Variants in EIPR1 observed in about 807,000 individuals in gnomAD.
EIPR1 encodes EARP complex and GARP complex interacting protein 1, also known as EARP and GARP complex-interacting protein 1.
Under a neutral mutation model 48.1 loss-of-function variants are expected in EIPR1, and 25 were observed. The observed-to-expected ratio is 0.52, with a 90% confidence interval of 0.38 to 0.73. EIPR1 has a LOEUF of 0.73. EIPR1 is among the 30% of genes least tolerant of loss of function. The probability of loss-of-function intolerance (pLI) is 0.00; values close to 1 mark genes in which losing one functional copy is unlikely to be tolerated. For missense variants in EIPR1, 415 were observed against 506.2 expected, an observed-to-expected ratio of 0.82 and a Z score of 1.73; for synonymous variants, 204 against 201.9, an observed-to-expected ratio of 1.01 and a Z score of -0.09.
intron 2 of EIPR1, among the ~76,000 whole-genome samples, chr2:3,350,968 T>G (rs1670556808): frequency 6.8e-6 from 1 of 146,404 alleles, no homozygotes; most frequent in East Asian, 2.0e-4. Flanking sequence ...AAAAACAAAT[T>G]AAGGTAGATT....
At chr2:3,281,616 T>C (rs1047411568) in intron 3 of EIPR1, among the ~76,000 whole-genome samples, 4 of 152,188 alleles carry the variant, frequency 2.6e-5, no homozygotes, top group Non-Finnish European at 5.9e-5. Context: ...CAGGAACGCG[T>C]GCCTGGAAGG....
chr2:3,192,452 ATCG>A lies in EIPR1; in HGVS notation c.948_950del (p.Asp318del), dbSNP rs1456949013. The A allele has an allele frequency of 6.2e-7, 1 of 1,612,822 alleles. No homozygotes were observed. The highest frequency in any genetic ancestry group is 8.5e-7 in the Non-Finnish European group (1 of 1,179,640). On this transcript the variant is annotated inframe_deletion, in exon 8 of 9. Coordinates refer to ENST00000382125, the MANE Select transcript of EIPR1 (RefSeq NM_003310.5). ...GGTGGTCCTCCTGGTCACTGATGTCATCGTCGTCTACCAAGTGGCCGAAGGGCT... is the reference window on the plus strand; with the variant it reads ...GGTGGTCCTCCTGGTCACTGATGTCATCGTCTACCAAGTGGCCGAAGGGCT...
chr2:3,203,420 G>A (rs1388501913), intron 5 of EIPR1, among the ~76,000 whole-genome samples: 3 of 152,222 alleles, frequency 2.0e-5, no homozygotes, highest in East Asian at 1.9e-4. Context: ...GATAGGTAAC[G>A]TAAATAAACC....
rs1216655035 is a variant in EIPR1 at position 3,250,589 on chromosome 2, G to C, written c.416+6710C>G. 3.3e-5 allele frequency among the ~76,000 whole-genome samples: 5 copies of C among 152,166 alleles called. No homozygotes were observed. In the East Asian group the frequency reaches 5.8e-4, roughly 18 times the overall value. On this transcript the variant is annotated intron_variant, in intron 4 of 8. Coordinates refer to ENST00000382125, the MANE Select transcript of EIPR1 (RefSeq NM_003310.5). ...TGTGAGAAGGACATGAGCTCTTTGA[G>C]GGCAGAAGCAGAATGGTATGGTTTG...
chr2:3,237,727 G>T (rs1666459319), intron 4 of EIPR1, among the ~76,000 whole-genome samples: 1 of 152,314 alleles, frequency 6.6e-6, no homozygotes, highest in Non-Finnish European at 1.5e-5. Flanking sequence ...AGCCTGGAAG[G>T]ATTGAGCCCT....
intron 4 of EIPR1, among the ~76,000 whole-genome samples, chr2:3,251,137 C>G (rs954538177): frequency 6.6e-6 from 1 of 152,178 alleles, no homozygotes; most frequent in Non-Finnish European, 1.5e-5. Flanking sequence ...TCCACCCAGG[C>G]GGCCAGCGGT....
At chr2:3,357,672 G>C (rs1235286582) in intron 1 of EIPR1, among the ~76,000 whole-genome samples, 1 of 152,164 alleles carries the variant, frequency 6.6e-6, no homozygotes, top group Non-Finnish European at 1.5e-5. Context: ...CCCTTTATTT[G>C]TTTATAAATT....
chr2:3,338,428 A>C (rs1305680083), intron 2 of EIPR1, among the ~76,000 whole-genome samples: 3 of 152,180 alleles, frequency 2.0e-5, no homozygotes, highest in African/African-American at 4.8e-5. Flanking sequence ...AAGGCACCAA[A>C]CGCTGTGTCC....
Position 3,189,207 on chromosome 2 carries a change from G to T in EIPR1, c.*127C>A. ...TTCATAAATGCTGCTGCTACAGGAA[G>T]GGAACAGCGGCTCTCCCAGAGAGGG... On this transcript the variant is annotated 3_prime_UTR_variant, in exon 9 of 9. Coordinates refer to ENST00000382125, the MANE Select transcript of EIPR1 (RefSeq NM_003310.5). The surrounding 1 kb of genome is among the most constrained non-coding windows in gnomAD (Gnocchi z 4.6). The T allele has an allele frequency of 5.0e-6, 5 of 1,006,258 alleles. No homozygotes were observed. The highest frequency in any genetic ancestry group is 2.8e-5 in the East Asian group (1 of 35,416). The allele number at this position is 1,006,258 out of a possible 1,614,324, so 62.3% of individuals were successfully genotyped here. A position where few individuals can be genotyped will look rare whatever the true frequency, so the allele number is the denominator to read the frequency against.
intron 3 of EIPR1, among the ~76,000 whole-genome samples, chr2:3,268,087 T>C (rs1667547726): frequency 6.6e-6 from 1 of 152,178 alleles, no homozygotes; most frequent in African/African-American, 2.4e-5. Flanking sequence ...CAGGGAAGCG[T>C]GGCCCCAGCA....
chr2:3,213,169 C>T (rs116057740), intron 5 of EIPR1, among the ~76,000 whole-genome samples: 11 of 152,310 alleles, frequency 7.2e-5, no homozygotes, highest in African/African-American at 1.9e-4. Flanking sequence ...CTTGCGCAAT[C>T]GCTTTGACTG....
At chr2:3,299,450 G>A (rs1348533682) in intron 3 of EIPR1, among the ~76,000 whole-genome samples, 1 of 152,122 alleles carries the variant, frequency 6.6e-6, no homozygotes, top group Non-Finnish European at 1.5e-5. Context: ...ACTGGGCGCG[G>A]CCTTGTTACG....
At chr2:3,371,746 C>A (rs1474020221) in intron 1 of EIPR1, among the ~76,000 whole-genome samples, 1 of 152,122 alleles carries the variant, frequency 6.6e-6, no homozygotes, top group Non-Finnish European at 1.5e-5. Context: ...TCCTGAGTGA[C>A]CTACAAAGAG....
chr2:3,345,444 G>A (rs796866022), intron 2 of EIPR1, among the ~76,000 whole-genome samples: 7 of 150,934 alleles, frequency 4.6e-5, no homozygotes, highest in African/African-American at 1.7e-4. Flanking sequence ...GGCCAACACG[G>A]TGAAACCCCG....
At chr2:3,222,213 T>C (rs1665917951) in intron 4 of EIPR1, among the ~76,000 whole-genome samples, 1 of 152,260 alleles carries the variant, frequency 6.6e-6, no homozygotes, top group South Asian at 2.1e-4. Flanking sequence ...ATGGGTCATC[T>C]TAGCCTAGTT....
chr2:3,214,628 A>G (rs532649034), intron 4 of EIPR1, among the ~76,000 whole-genome samples: 66 of 152,334 alleles, frequency 4.3e-4, no homozygotes, highest in African/African-American at 1.3e-3. Context: ...TACCTTAAAC[A>G]GGCTCACAAC....
chr2:3,300,511 C>T (rs1041112903), intron 3 of EIPR1, among the ~76,000 whole-genome samples: 2 of 152,334 alleles, frequency 1.3e-5, no homozygotes, highest in Admixed American at 1.3e-4. Context: ...CGCCTCAATG[C>T]CACCTGCATG....
intron 4 of EIPR1, among the ~76,000 whole-genome samples, chr2:3,229,044 A>G (rs1666157083): frequency 6.6e-6 from 1 of 152,224 alleles, no homozygotes; most frequent in Non-Finnish European, 1.5e-5. Context: ...TGACACAGAA[A>G]TTATTTTTGA....
At chr2:3,215,396 G>T (rs1457687141) in intron 4 of EIPR1, among the ~76,000 whole-genome samples, 2 of 152,236 alleles carry the variant, frequency 1.3e-5, no homozygotes, top group Non-Finnish European at 2.9e-5. Context: ...ACCAGGCTCA[G>T]GGGTGATGTT....
Sources: allele counts gnomAD v4.1 joint callset (sites outside exome capture counted in the v4.1 genomes callset), GRCh38; gene constraint gnomAD v4.1.1; non-coding constraint Gnocchi (gnomAD v3.1); transcripts MANE v1.5; gene names NCBI Gene and HGNC (gene_info 2026-07-23, HGNC 2026-07-21).